Variants in TNNI3K observed in about 807,000 individuals in gnomAD.
TNNI3K encodes the protein serine/threonine-protein kinase TNNI3K.
A neutral mutation model predicts 114.5 loss-of-function variants in TNNI3K; 140 were observed. The ratio of observed to expected loss-of-function variants is 1.22; its 90% CI spans 1.07 to 1.41. The LOEUF (loss-of-function observed/expected upper bound fraction) is 1.41, where lower values mean the gene tolerates loss of function less well. TNNI3K is among the 40% of genes most tolerant of loss of function. The probability of loss-of-function intolerance (pLI) is 0.00; values close to 1 mark genes in which losing one functional copy is unlikely to be tolerated. For missense variants in TNNI3K, 1,125 were observed against 1,007.6 expected, an observed-to-expected ratio of 1.12 and a Z score of -1.58; for synonymous variants, 347 against 347.5, an observed-to-expected ratio of 1.00 and a Z score of 0.02.
At chr1:74,521,991 A>T (rs1646439257) in intron 23 of TNNI3K, among the ~76,000 whole-genome samples, 1 of 152,096 alleles carries the variant, frequency 6.6e-6, no homozygotes, top group Non-Finnish European at 1.5e-5. Context: ...CAGGTAGAGT[A>T]AAAAAAATTC....
At chr1:74,507,231 C>G (rs1557614822) in intron 23 of TNNI3K, among the ~76,000 whole-genome samples, 1 of 141,050 alleles carries the variant, frequency 7.1e-6, no homozygotes, top group Non-Finnish European at 1.5e-5. Context: ...TCACCCCCCC[C>G]CCATCTTTTT....
chr1:74,327,078 T>C (rs1659948695), intron 5 of TNNI3K, among the ~76,000 whole-genome samples: 1 of 136,212 alleles, frequency 7.3e-6, no homozygotes, highest in Non-Finnish European at 1.6e-5. Context: ...AGACTCCGTG[T>C]CAAAAAAAAA....
intron 21 of TNNI3K, chr1:74,471,389 C>A: frequency 2.5e-6 from 1 of 400,648 alleles, no homozygotes; most frequent in East Asian, 3.6e-5. Context: ...GGCAACAATA[C>A]CTGCTTGCAT....
intron 21 of TNNI3K, chr1:74,481,025 G>C: frequency 1.5e-6 from 1 of 649,046 alleles, no homozygotes. Context: ...GAGGGAGGGG[G>C]TATGGTGGAG....
At chr1:74,240,930 C>CT (rs1416860576) in intron 2 of TNNI3K, 4 of 152,022 alleles carry the variant, frequency 2.6e-5, no homozygotes, top group Admixed American at 2.6e-4. Flanking sequence ...TATCCCTCCC[C>CT]CTCCCCACAC....
chr1:74,400,983 T>A (rs1356563410), intron 17 of TNNI3K, among the ~76,000 whole-genome samples: 2 of 152,244 alleles, frequency 1.3e-5, no homozygotes, highest in Admixed American at 1.3e-4. Context: ...TTGGTAGTAC[T>A]TGGAAAAGGG....
intron 17 of TNNI3K, among the ~76,000 whole-genome samples, chr1:74,411,165 T>C (rs2100612029): frequency 6.6e-6 from 1 of 152,294 alleles, no homozygotes; most frequent in East Asian, 1.9e-4. Context: ...CTATATACTG[T>C]AGATTTTTAT....
intron 5 of TNNI3K, among the ~76,000 whole-genome samples, chr1:74,299,890 A>G (rs1658214229): frequency 6.6e-6 from 1 of 152,204 alleles, no homozygotes; most frequent in Admixed American, 6.5e-5. Flanking sequence ...TATTAGCTAA[A>G]TTATTAGTTT....
In TNNI3K at chr1:74,512,259, A is replaced by G. The variant is rs551767054; in HGVS notation, c.2351+19993A>G. Among the ~76,000 whole-genome samples the G allele has an allele frequency of 1.6e-4, 24 of 152,284 alleles. 1 individual carries two copies. In the South Asian group the frequency reaches 4.4e-3, roughly 28 times the overall value. On this transcript the variant is annotated intron_variant, in intron 23 of 24. Coordinates refer to ENST00000326637, the MANE Select transcript of TNNI3K (RefSeq NM_015978.3). ...ACATGGAGCTAGGGATAATATGGTA[A>G]TCTAGATGAGACATGAGTGACATAG... is the stretch of plus-strand genomic sequence containing the variant.
intron 17 of TNNI3K, chr1:74,376,848 A>G (rs1292364342): frequency 1.3e-5 from 2 of 151,850 alleles, no homozygotes; most frequent in Non-Finnish European, 2.9e-5. Flanking sequence ...ATTCAAAGAC[A>G]CTGAAGGGAC....
At chr1:74,462,165 T>C (rs943150143) in intron 20 of TNNI3K, among the ~76,000 whole-genome samples, 1 of 152,214 alleles carries the variant, frequency 6.6e-6, no homozygotes, top group Non-Finnish European at 1.5e-5. Flanking sequence ...TAATTTACAA[T>C]TGGCAAAATT....
At chr1:74,311,611 G>A (rs189022274) in intron 5 of TNNI3K, among the ~76,000 whole-genome samples, 5 of 152,226 alleles carry the variant, frequency 3.3e-5, no homozygotes, top group East Asian at 3.9e-4. Context: ...AAGGTATCAA[G>A]AACAGTAAAT....
intron 5 of TNNI3K, among the ~76,000 whole-genome samples, chr1:74,287,631 A>G (rs1657412880): frequency 6.6e-6 from 1 of 152,170 alleles, no homozygotes; most frequent in African/African-American, 2.4e-5. Flanking sequence ...TAAAACTACT[A>G]GAAGAAAACA....
intron 19 of TNNI3K, 66 bp downstream of exon 19, chr1:74,436,592 G>A: frequency 2.0e-6 from 3 of 1,506,144 alleles, no homozygotes; most frequent in Non-Finnish European, 2.7e-6. Flanking sequence ...AGCATGAGAG[G>A]ACGTAAGATG....
chr1:74,510,565 T>A (rs1670136594), intron 23 of TNNI3K, among the ~76,000 whole-genome samples: 1 of 152,200 alleles, frequency 6.6e-6, no homozygotes, highest in African/African-American at 2.4e-5. Flanking sequence ...CTTGAATTTT[T>A]AAAAAATTAT....
chr1:74,500,175 C>T lies in TNNI3K; in HGVS notation c.2351+7909C>T, dbSNP rs538991707. Among the ~76,000 whole-genome samples, 32 of 151,998 alleles carry T rather than the reference C, an allele frequency of 2.1e-4. No homozygotes were observed. The South Asian group carries it at 6.6e-3, about 32-fold the overall frequency. ...TATAATACCTCTTTATTTTAATTTC[C>T]AGTATTTTATCTTCATCAAGATTTT... On this transcript the variant is annotated intron_variant, in intron 23 of 24. Coordinates refer to ENST00000326637, the MANE Select transcript of TNNI3K (RefSeq NM_015978.3).
chr1:74,284,778 T>C (rs1200247380), intron 5 of TNNI3K, among the ~76,000 whole-genome samples: 3 of 152,212 alleles, frequency 2.0e-5, no homozygotes, highest in African/African-American at 7.2e-5. Flanking sequence ...CCTTGAGAAG[T>C]AGGATATAAA....
intron 23 of TNNI3K, 129 bp downstream of exon 23, chr1:74,492,395 A>C (rs1669126043): frequency 8.1e-7 from 1 of 1,229,740 alleles, no homozygotes; most frequent in South Asian, 3.4e-5. Flanking sequence ...AGGAGTTTTC[A>C]GCCCATTTTT....
chr1:74,265,408 A>T (rs1262015347), intron 4 of TNNI3K, among the ~76,000 whole-genome samples: 1 of 151,886 alleles, frequency 6.6e-6, no homozygotes, highest in African/African-American at 2.4e-5. Context: ...CCACCACCTT[A>T]CTCAGTCATT....
Sources: gnomAD v4.1 joint callset for allele counts (sites outside exome capture counted in the v4.1 genomes callset) on GRCh38, gnomAD v4.1.1 for gene constraint, MANE v1.5 for transcripts, NCBI Gene and HGNC (gene_info 2026-07-23, HGNC 2026-07-21) for gene names.